The following SYNE2 variants were observed in gnomAD, a reference collection of about 807,000 sequenced individuals.
The protein encoded by SYNE2 is nesprin-2.
SYNE2 carries 431 observed loss-of-function variants against 856.3 expected under a neutral mutation model. The ratio of observed to expected loss-of-function variants is 0.50; its 90% CI spans 0.47 to 0.55. The LOEUF is 0.55. Among genes scored for constraint, SYNE2 ranks in the 20% least tolerant of loss-of-function variants. The pLI is 0.00. For missense variants in SYNE2, 8,129 were observed against 8,023.2 expected, an observed-to-expected ratio of 1.01 and a Z score of -0.50; for synonymous variants, 2,923 against 2,872.3, an observed-to-expected ratio of 1.02 and a Z score of -0.56.
At chr14:64,044,735 C>T (rs1446803132) in intron 45 of SYNE2, among the ~76,000 whole-genome samples, 5 of 152,028 alleles carry the variant, frequency 3.3e-5, no homozygotes, top group South Asian at 2.1e-4. Context: ...TTTTAAGAAA[C>T]GGGAGTTTGC....
At chr14:63,881,344 T>G (rs1246686252) in intron 1 of SYNE2, among the ~76,000 whole-genome samples, 1 of 152,034 alleles carries the variant, frequency 6.6e-6, no homozygotes, top group Non-Finnish European at 1.5e-5. Flanking sequence ...TTGTCTTCAG[T>G]TACTTTGTGG....
Position 64,223,341 on chromosome 14 carries a change from G to A in SYNE2, c.20343G>A (p.Glu6781=). 2 of 1,614,164 alleles carry A rather than the reference G, an allele frequency of 1.2e-6. No individual in the cohort carries two copies. The highest frequency in any genetic ancestry group is 2.7e-5 in the African/African-American group (2 of 75,070). Residue 6781 remains glutamate (E), a synonymous_variant, in exon 113 of 116, where the codon GAG becomes GAA. Transcript: ENST00000555002. ...VIEKKLKQLR[E]QVSQDLMALQ... is the part of the protein sequence containing the mutation. ...AGAAGAAACTCAAACAGTTACGGGA[G>A]CAAGTGTCCCAAGATTTAATGGCCT...
Position 64,141,987 on chromosome 14 carries a change from A to G in SYNE2, c.15205A>G (p.Ile5069Val). 6.2e-7 allele frequency: 1 copy of G among 1,614,162 alleles called. No individual in the cohort carries two copies. The highest frequency in any genetic ancestry group is 8.5e-7 in the Non-Finnish European group (1 of 1,180,012). The change falls in exon 82 of 116, where the codon ATT becomes GTT. Residue 5069 changes from isoleucine to valine, a missense_variant. Transcript: ENST00000555002. ...GTCTCGTAAAGCAATCACAGAAATGATTAGCTGGATGAACAATGTGGAGCA... is the reference window on the plus strand; with the variant it reads ...GTCTCGTAAAGCAATCACAGAAATGGTTAGCTGGATGAACAATGTGGAGCA... The part of the protein sequence containing the change: ...LPSRKAITEM[I>V]SWMNNVEHQT...
chr14:64,153,407 A>G (rs919923449), intron 85 of SYNE2, among the ~76,000 whole-genome samples: 6 of 152,238 alleles, frequency 3.9e-5, no homozygotes, highest in Non-Finnish European at 7.3e-5. Flanking sequence ...TATCAATGGT[A>G]TAATCTATAC....
At chr14:64,032,207 T>C (rs12586503) in intron 45 of SYNE2, among the ~76,000 whole-genome samples, 128,684 of 151,858 alleles carry the variant, frequency 0.85, 55,363 homozygotes, top group Non-Finnish European at 0.93. Flanking sequence ...TGTAAAACAA[T>C]GTGAAATGCC....
chr14:63,837,660 A>G lies in SYNE2; in HGVS notation c.-304-14841A>G, dbSNP rs112069511. Among the ~76,000 whole-genome samples, 865 of 152,248 alleles carry G rather than the reference A, an allele frequency of 5.7e-3. 5 individuals are homozygous for G. The highest frequency in any genetic ancestry group is 0.019 in the African/African-American group (800 of 41,548). Reference sequence around the variant, plus strand: ...CCAGATGCAGTGGCTCATGCCTGTAATCCCAGCACTTTAAGAGGCCAAGGC... The same window carrying G: ...CCAGATGCAGTGGCTCATGCCTGTAGTCCCAGCACTTTAAGAGGCCAAGGC... On this transcript the variant is annotated intron_variant, in intron 1 of 23. Coordinates refer to the SYNE2 transcript ENST00000674003.
chr14:64,188,606 T>G lies in SYNE2; in HGVS notation c.17769T>G (p.Asn5923Lys), dbSNP rs1176103467. 6.2e-7 allele frequency: 1 copy of G among 1,614,130 alleles called. No homozygotes were observed. The highest frequency in any genetic ancestry group is 1.3e-5 in the African/African-American group (1 of 75,026). The change falls in exon 98 of 116, where the codon AAT (asparagine) becomes AAG (lysine). Residue 5923 changes from asparagine (N) to lysine (K), a missense_variant. Physicochemically the swap from Asn to Lys is moderately conservative, Grantham distance 94. Transcript: ENST00000555002. ...GACTCAATACATGGGTTGTATTCAA[T>G]GAAAAAAATAAAGAGTTGTGTGCCT... is the stretch of plus-strand genomic sequence containing the variant. ...EDRLNTWVVF[N>K]EKNKELCAWL...
At chr14:63,881,203 T>C (rs1036624845) in intron 1 of SYNE2, among the ~76,000 whole-genome samples, 1 of 151,808 alleles carries the variant, frequency 6.6e-6, no homozygotes, top group Non-Finnish European at 1.5e-5. Context: ...GGTCCTGAAC[T>C]CCTGGGCTCA....
intron 35 of SYNE2, among the ~76,000 whole-genome samples, chr14:64,020,641 TGA>T (rs2096929433): frequency 6.6e-6 from 1 of 152,208 alleles, no homozygotes; most frequent in African/African-American, 2.4e-5. Flanking sequence ...TGTAAAGTAA[TGA>T]TTATTTTCTA....
chr14:64,045,584 G>A (rs531415003), intron 45 of SYNE2, among the ~76,000 whole-genome samples: 1 of 152,198 alleles, frequency 6.6e-6, no homozygotes, highest in African/African-American at 2.4e-5. Context: ...TCTTCTTACA[G>A]CCTTCCTGGA....
chr14:64,150,007 C>CT (rs755126549), intron 84 of SYNE2, among the ~76,000 whole-genome samples: 3,641 of 94,426 alleles, frequency 0.039, 101 homozygotes, highest in African/African-American at 0.043. Context: ...TTTTTCTTTT[C>CT]TTTTTTTTTT....
chr14:64,098,560 A>T (rs2097695827), intron 62 of SYNE2, 187 bp from the exon 63 acceptor site: 1 of 653,986 alleles, frequency 1.5e-6, no homozygotes, highest in Non-Finnish European at 2.7e-6. Flanking sequence ...AACAAGACCT[A>T]AGGTTTGACT....
intron 1 of SYNE2, among the ~76,000 whole-genome samples, chr14:63,793,210 C>A (rs959206113): frequency 4.6e-5 from 7 of 152,150 alleles, no homozygotes; most frequent in African/African-American, 1.7e-4. Flanking sequence ...TGTTGACACA[C>A]ACAGCCACCT....
chr14:64,043,300 A>G (rs1045766704), intron 45 of SYNE2, among the ~76,000 whole-genome samples: 2 of 152,222 alleles, frequency 1.3e-5, no homozygotes, highest in African/African-American at 4.8e-5. Flanking sequence ...AGCAGAGCAT[A>G]AAAGTTAGGA....
At chr14:63,833,607 A>G (rs1332591334) in intron 1 of SYNE2, among the ~76,000 whole-genome samples, 2 of 152,192 alleles carry the variant, frequency 1.3e-5, no homozygotes, top group Non-Finnish European at 1.5e-5. Context: ...ATCATTGTCT[A>G]TGGATCATTT....
intron 1 of SYNE2, among the ~76,000 whole-genome samples, chr14:63,765,287 C>T (rs939461070): frequency 6.6e-6 from 1 of 152,172 alleles, no homozygotes; most frequent in East Asian, 1.9e-4. Context: ...GAGGCATATA[C>T]ACTATTCCAT....
At chr14:64,077,648 T>A (rs1449042079) in intron 54 of SYNE2, among the ~76,000 whole-genome samples, 4 of 146,426 alleles carry the variant, frequency 2.7e-5, no homozygotes, top group South Asian at 2.2e-4. Context: ...TTTTTTTTTT[T>A]AATTTACAAA....
chr14:63,934,411 G>A (rs1185285800), intron 2 of SYNE2, among the ~76,000 whole-genome samples: 5 of 151,868 alleles, frequency 3.3e-5, no homozygotes, highest in Non-Finnish European at 5.9e-5. Context: ...TTTACTCTCC[G>A]ATTATGTGCT....
At chr14:63,774,116 C>T (rs546386022) in intron 1 of SYNE2, among the ~76,000 whole-genome samples, 20 of 151,836 alleles carry the variant, frequency 1.3e-4, no homozygotes, top group Non-Finnish European at 2.5e-4. Flanking sequence ...GGGCAGATCA[C>T]GAGGTCAGGA....
Sources: allele counts gnomAD v4.1 joint callset (sites outside exome capture counted in the v4.1 genomes callset), GRCh38; gene constraint gnomAD v4.1.1; transcripts MANE v1.5; gene names NCBI Gene and HGNC (gene_info 2026-07-23, HGNC 2026-07-21).